PEX5L: variants seen among roughly 807,000 people sequenced by gnomAD.
PEX5L encodes the protein peroxisomal biogenesis factor 5 like.
Under a neutral mutation model 84.0 loss-of-function variants are expected in PEX5L, and 30 were observed. That is an observed-to-expected ratio of 0.36 (90% CI 0.27 to 0.48). The LOEUF (loss-of-function observed/expected upper bound fraction) is 0.48. Ranked by LOEUF, PEX5L falls within the 20% of genes least tolerant of loss-of-function variation. The pLI, the probability that PEX5L is intolerant of heterozygous loss-of-function variation, is 0.99. For synonymous variants in PEX5L, 270 were observed against 283.1 expected (o/e 0.95, Z 0.46); for missense variants, 533 against 754.6 (o/e 0.71, Z 3.44).
chr3:179,874,738 GTTTTTT>G lies in PEX5L; in HGVS notation c.630-321_630-316del, dbSNP rs3836472. Among the ~76,000 whole-genome samples, 35 of 45,994 alleles carry G rather than the reference GTTTTTT, an allele frequency of 7.6e-4. No individual in the cohort carries two copies. In the South Asian group the frequency reaches 0.01, roughly 14 times the overall value. The allele number at this position is 45,994 out of a possible 152,430, so 30.2% of individuals were successfully genotyped here. A position where few individuals can be genotyped will look rare whatever the true frequency, so the allele number is the denominator to read the frequency against. ...TAAAAAAATTATGGTTTTTTTTTTT[GTTTTTT>G]TTTTTTTTTTTTTTTTTTGGTAGGG... On this transcript the variant is annotated intron_variant, in intron 6 of 14. Transcript: ENST00000467460.
chr3:179,855,347 T>C (rs1743515875), intron 8 of PEX5L, among the ~76,000 whole-genome samples: 1 of 152,342 alleles, frequency 6.6e-6, no homozygotes, highest in East Asian at 1.9e-4. Flanking sequence ...TAAAATTGCC[T>C]CTGATGAAAG....
chr3:179,884,006 T>A (rs571193227), intron 4 of PEX5L, among the ~76,000 whole-genome samples: 10 of 152,226 alleles, frequency 6.6e-5, no homozygotes, highest in Non-Finnish European at 1.2e-4. Flanking sequence ...AAACTATTTA[T>A]TGAAAATATA....
chr3:180,013,819 G>T (rs1213670247), intron 1 of PEX5L, among the ~76,000 whole-genome samples: 1 of 152,162 alleles, frequency 6.6e-6, no homozygotes, highest in Non-Finnish European at 1.5e-5. Context: ...AATAATGATT[G>T]TATTATGACT....
rs542832975 is a variant in PEX5L, at chr3:179,977,127, T to C, written c.22-5462A>G. 9.8e-5 allele frequency among the ~76,000 whole-genome samples: 15 copies of C among 152,326 alleles called. No homozygotes were observed. In the South Asian group the frequency reaches 3.1e-3, roughly 32 times the overall value. On this transcript the variant is annotated intron_variant, in intron 1 of 14. Coordinates refer to ENST00000467460, the MANE Select transcript of PEX5L (RefSeq NM_016559.3). Reference sequence around the variant, plus strand: ...CATGATCTATGCTTTTCTTTATACTTGGGAGTGCTTTTTGAAACAATAATG... The same window carrying C: ...CATGATCTATGCTTTTCTTTATACTCGGGAGTGCTTTTTGAAACAATAATG...
At chr3:179,992,349 G>A (rs1163111224) in intron 1 of PEX5L, among the ~76,000 whole-genome samples, 3 of 152,186 alleles carry the variant, frequency 2.0e-5, no homozygotes, top group African/African-American at 7.2e-5. Context: ...AAGAAAGGTT[G>A]AATGATTTAC....
At chr3:179,832,309 T>C (rs761172197) in intron 8 of PEX5L, among the ~76,000 whole-genome samples, 6 of 151,964 alleles carry the variant, frequency 3.9e-5, no homozygotes. Context: ...ATTCACCAAC[T>C]ACCTGCCAAC....
At chr3:179,971,435 G>A (rs562788918) in intron 2 of PEX5L, among the ~76,000 whole-genome samples, 159 bp downstream of exon 2, 1 of 152,188 alleles carries the variant, frequency 6.6e-6, no homozygotes, top group South Asian at 2.1e-4. Context: ...TGGATCAGAG[G>A]CATCATATGG....
chr3:179,823,217 T>C (rs1729140136), intron 8 of PEX5L, among the ~76,000 whole-genome samples: 1 of 152,236 alleles, frequency 6.6e-6, no homozygotes, highest in Non-Finnish European at 1.5e-5. Flanking sequence ...ATTCTTCTTC[T>C]AGACATCTTC....
intron 8 of PEX5L, among the ~76,000 whole-genome samples, chr3:179,829,115 G>A (rs1442499778): frequency 1.3e-5 from 2 of 152,156 alleles, no homozygotes; most frequent in Non-Finnish European, 2.9e-5. Context: ...AAGACTGGAA[G>A]AAACATGAAA....
At chr3:179,963,274 G>A (rs59638712) in intron 2 of PEX5L, among the ~76,000 whole-genome samples, 8,419 of 152,204 alleles carry the variant, frequency 0.055, 786 homozygotes, top group African/African-American at 0.19. Context: ...GCAGAAGACA[G>A]TAAACACAGT....
intron 2 of PEX5L, among the ~76,000 whole-genome samples, chr3:179,899,008 A>C (rs111747356): frequency 1.3e-5 from 2 of 152,068 alleles, no homozygotes; most frequent in Non-Finnish European, 2.9e-5. Context: ...ATATCTCTCT[A>C]TATATCTATA....
intron 1 of PEX5L, among the ~76,000 whole-genome samples, chr3:179,995,597 G>T (rs376607823): frequency 6.6e-6 from 1 of 152,120 alleles, no homozygotes; most frequent in African/African-American, 2.4e-5. Context: ...ACATGATGAA[G>T]CTTGTTTGTT....
At chr3:179,820,314 C>T (rs1429180708) in intron 8 of PEX5L, 1 of 238,078 alleles carries the variant, frequency 4.2e-6, no homozygotes, top group Non-Finnish European at 8.2e-6. Context: ...CAGAATTGCT[C>T]CTAGCATATA....
chr3:179,977,877 C>G (rs533802247), intron 1 of PEX5L, among the ~76,000 whole-genome samples: 1 of 152,162 alleles, frequency 6.6e-6, no homozygotes, highest in African/African-American at 2.4e-5. Context: ...CTTTTCCCCC[C>G]TCTCTAACTG....
At chr3:179,955,498 T>C (rs1489590383) in intron 2 of PEX5L, among the ~76,000 whole-genome samples, 2 of 150,622 alleles carry the variant, frequency 1.3e-5, no homozygotes, top group African/African-American at 2.5e-5. Flanking sequence ...TTTTTTTTTT[T>C]CAAAAAGAAG....
At chr3:179,855,363 T>C (rs1743522078) in intron 8 of PEX5L, among the ~76,000 whole-genome samples, 1 of 152,248 alleles carries the variant, frequency 6.6e-6, no homozygotes, top group Admixed American at 6.5e-5. Flanking sequence ...GAAAGCAATC[T>C]GCATCACCAT....
chr3:179,839,684 C>A (rs1054228773), intron 8 of PEX5L, among the ~76,000 whole-genome samples: 2 of 152,128 alleles, frequency 1.3e-5, no homozygotes, highest in Admixed American at 1.3e-4. Flanking sequence ...ATTATACATC[C>A]GTGCACCATC....
chr3:179,873,130 C>G (rs779788774), intron 7 of PEX5L, among the ~76,000 whole-genome samples: 37 of 152,258 alleles, frequency 2.4e-4, no homozygotes, highest in Non-Finnish European at 5.0e-4. Flanking sequence ...TGTCCTACCT[C>G]TCTCTGCCAC....
intron 1 of PEX5L, among the ~76,000 whole-genome samples, chr3:179,976,311 G>A (rs963197371): frequency 1.3e-5 from 2 of 152,198 alleles, no homozygotes; most frequent in East Asian, 1.9e-4. Flanking sequence ...AGTCATTAAC[G>A]ACTTCAGGAA....
Sources: gnomAD v4.1 joint callset for allele counts (sites outside exome capture counted in the v4.1 genomes callset) on GRCh38, gnomAD v4.1.1 for gene constraint, MANE v1.5 for transcripts, NCBI Gene and HGNC (gene_info 2026-07-23, HGNC 2026-07-21) for gene names.